TFPI: variants seen among roughly 807,000 people sequenced by gnomAD.
The protein encoded by TFPI is tissue factor pathway inhibitor, also known as anti-convertin.
A neutral mutation model predicts 34.6 loss-of-function variants in TFPI; 15 were observed. The ratio of observed to expected loss-of-function variants is 0.43; its 90% CI spans 0.29 to 0.67. The LOEUF (loss-of-function observed/expected upper bound fraction) is 0.67. TFPI is among the 30% of genes least tolerant of loss of function. TFPI has a pLI of 0.15. For missense variants in TFPI, 301 were observed against 364.0 expected, an observed-to-expected ratio of 0.83 and a Z score of 1.41; for synonymous variants, 105 against 120.1, an observed-to-expected ratio of 0.87 and a Z score of 0.82.
At chr2:187,540,900 A>G (rs1265764621) in intron 1 of TFPI, among the ~76,000 whole-genome samples, 2 of 150,384 alleles carry the variant, frequency 1.3e-5, no homozygotes, top group African/African-American at 4.9e-5. Context: ...CAAAAAAAAA[A>G]AAAAAAAGAA....
At chr2:187,484,050 T>G in intron 6 of TFPI, 74 bp downstream of exon 6, 1 of 1,229,422 alleles carries the variant, frequency 8.1e-7, no homozygotes, top group Non-Finnish European at 1.2e-6. Context: ...AAGACATACT[T>G]CTAATACACA....
At chr2:187,487,588 T>G (rs1302485303) in intron 4 of TFPI, among the ~76,000 whole-genome samples, 1 of 151,482 alleles carries the variant, frequency 6.6e-6, no homozygotes, top group Non-Finnish European at 1.5e-5. Flanking sequence ...CTCATTGAAA[T>G]GTAAATGCCA....
At chr2:187,467,095 G>A (rs1257197196) in intron 7 of TFPI, 53 bp from the exon 8 acceptor site, 2 of 1,166,488 alleles carry the variant, frequency 1.7e-6, no homozygotes, top group Non-Finnish European at 2.4e-6. Context: ...ACAATGAAAT[G>A]TTTTATCTAA....
intron 3 of TFPI, among the ~76,000 whole-genome samples, chr2:187,488,935 C>G (rs1006274867): frequency 2.6e-5 from 4 of 151,424 alleles, no homozygotes; most frequent in African/African-American, 9.7e-5. Context: ...AATCATTTCC[C>G]TCTAAAACTG....
At chr2:187,485,994 T>C (rs151039285) in intron 4 of TFPI, among the ~76,000 whole-genome samples, 44 of 151,860 alleles carry the variant, frequency 2.9e-4, no homozygotes, top group African/African-American at 1.1e-3. Flanking sequence ...TTAATAATGT[T>C]AATGATTTCT....
At chr2:187,547,585 G>A (rs1035810790) in intron 1 of TFPI, 14 of 152,064 alleles carry the variant, frequency 9.2e-5, no homozygotes, top group Non-Finnish European at 1.3e-4. Context: ...CTAAAGGAAC[G>A]AGAAGTCCTG....
chr2:187,511,152 G>GGTCAAC (rs1686601503), intron 1 of TFPI, among the ~76,000 whole-genome samples: 1 of 152,166 alleles, frequency 6.6e-6, no homozygotes, highest in African/African-American at 2.4e-5. Context: ...CCCCGCAGAG[G>GGTCAAC]GTCAACGCAG....
chr2:187,534,027 T>A (rs1490005009), intron 1 of TFPI, among the ~76,000 whole-genome samples: 1 of 151,502 alleles, frequency 6.6e-6, no homozygotes, highest in East Asian at 1.9e-4. Flanking sequence ...AAAAAAAGAA[T>A]GAAAAGGAAT....
chr2:187,532,952 C>G (rs1280281787), intron 1 of TFPI, among the ~76,000 whole-genome samples: 1 of 152,152 alleles, frequency 6.6e-6, no homozygotes, highest in Admixed American at 6.5e-5. Flanking sequence ...ACAGTGTAAA[C>G]AAAGCCCCAG....
Position 187,498,900 on chromosome 2 carries a change from G to T in TFPI, c.122-1822C>A, listed in dbSNP as rs533533411. ...GTTGATCAAATCTTTAACTAAAGTT[G>T]AGTTTTATGCACATATGCATTTGTG... On this transcript the variant is annotated intron_variant, in intron 2 of 7. Transcript: ENST00000233156. Among the ~76,000 whole-genome samples the T allele has an allele frequency of 3.9e-5, 6 of 152,006 alleles. No homozygotes were observed. In the South Asian group the frequency reaches 1.0e-3, roughly 26 times the overall value.
intron 1 of TFPI, among the ~76,000 whole-genome samples, chr2:187,508,475 T>C (rs1686383612): frequency 6.6e-6 from 1 of 152,196 alleles, no homozygotes; most frequent in African/African-American, 2.4e-5. Flanking sequence ...TGTGTCCTCT[T>C]TTATTTCCTT....
At chr2:187,469,912 G>A (rs1390041664) in intron 6 of TFPI, among the ~76,000 whole-genome samples, 1 of 152,080 alleles carries the variant, frequency 6.6e-6, no homozygotes, top group Admixed American at 6.6e-5. Flanking sequence ...TTTCCAATGT[G>A]TGGGATGTGT....
At chr2:187,509,385 C>A (rs541354368) in intron 1 of TFPI, among the ~76,000 whole-genome samples, 13 of 152,280 alleles carry the variant, frequency 8.5e-5, no homozygotes, top group South Asian at 4.1e-4. Flanking sequence ...ACCATCTCCT[C>A]TTCATATCTC....
At position 187,532,797 on chromosome 2, in the gene TFPI, C is replaced by T. The variant is rs1462451464; in HGVS notation, c.-3+21403G>A. On this transcript the variant is annotated intron_variant, in intron 1 of 7. Coordinates refer to ENST00000233156, the MANE Select transcript of TFPI (RefSeq NM_006287.6). ...AGTGGTCTAGCTGAGTGGATCTCAG[C>T]CCCATGGAGCCCAGCAAGCTAAGAT... is the stretch of plus-strand genomic sequence containing the variant. Among the ~76,000 whole-genome samples, 3 of 152,078 alleles carry T rather than the reference C, an allele frequency of 2.0e-5. 1 individual carries two copies. The highest frequency in any genetic ancestry group is 7.2e-5 in the African/African-American group (3 of 41,412).
At chr2:187,468,372 T>G (rs1264252391) in intron 6 of TFPI, among the ~76,000 whole-genome samples, 1 of 152,096 alleles carries the variant, frequency 6.6e-6, no homozygotes, top group East Asian at 1.9e-4. Flanking sequence ...AGTTTTTATT[T>G]GTGATGTAAC....
At chr2:187,479,298 T>C (rs547878259) in intron 6 of TFPI, among the ~76,000 whole-genome samples, 2 of 151,854 alleles carry the variant, frequency 1.3e-5, no homozygotes, top group Non-Finnish European at 2.9e-5. Flanking sequence ...TGACTAGAAA[T>C]AGGACAGTGA....
chr2:187,484,345 C>G (rs539367848), intron 5 of TFPI, 129 bp from the exon 6 acceptor site: 6 of 670,756 alleles, frequency 8.9e-6, no homozygotes, highest in African/African-American at 3.7e-5. Context: ...GTTAAATTAG[C>G]AAACAGTGAA....
chr2:187,490,165 A>G (rs1034118838), intron 3 of TFPI, among the ~76,000 whole-genome samples: 2 of 151,624 alleles, frequency 1.3e-5, no homozygotes, highest in Non-Finnish European at 3.0e-5. Flanking sequence ...TTGCTTCTAA[A>G]TCCATTCAAA....
chr2:187,473,677 G>A (rs1692189216), intron 6 of TFPI, among the ~76,000 whole-genome samples: 1 of 151,232 alleles, frequency 6.6e-6, no homozygotes, highest in Non-Finnish European at 1.5e-5. Context: ...CCCTCTCTCT[G>A]TAAAAAAGAA....
Sources: gnomAD v4.1 joint callset for allele counts (sites outside exome capture counted in the v4.1 genomes callset) on GRCh38, gnomAD v4.1.1 for gene constraint, MANE v1.5 for transcripts, NCBI Gene and HGNC (gene_info 2026-07-23, HGNC 2026-07-21) for gene names.